Variants in HTR1F observed in about 807,000 individuals in gnomAD.
HTR1F encodes 5-hydroxytryptamine receptor 1F, also known as 5-hydroxytryptamine (serotonin) receptor 1F, G protein-coupled.
A neutral mutation model predicts 24.0 loss-of-function variants in HTR1F; 17 were observed. That is an observed-to-expected ratio of 0.71 (90% confidence interval 0.48 to 1.06). The LOEUF (loss-of-function observed/expected upper bound fraction) is 1.06. Ranked by LOEUF, HTR1F falls within the 50% of genes least tolerant of loss-of-function variation. The probability of loss-of-function intolerance (pLI) is 0.00; values close to 1 mark genes in which losing one functional copy is unlikely to be tolerated. For missense variants in HTR1F, 391 were observed against 427.8 expected, an observed-to-expected ratio of 0.91 and a Z score of 0.76; for synonymous variants, 186 against 156.8, an observed-to-expected ratio of 1.19 and a Z score of -1.39.
At chr3:87,848,360 T>A (rs1232359935) in intron 2 of HTR1F, among the ~76,000 whole-genome samples, 1 of 151,860 alleles carries the variant, frequency 6.6e-6, no homozygotes, top group African/African-American at 2.4e-5. Flanking sequence ...GCCCATTTTT[T>A]AGTGGGATTT....
intron 2 of HTR1F, among the ~76,000 whole-genome samples, chr3:87,916,503 A>G (rs1273699348): frequency 6.6e-6 from 1 of 151,990 alleles, no homozygotes. Context: ...ACACATAAAG[A>G]CTCACATAAT....
At chr3:87,886,415 C>T (rs1360498691) in intron 2 of HTR1F, among the ~76,000 whole-genome samples, 2 of 152,172 alleles carry the variant, frequency 1.3e-5, no homozygotes, top group Admixed American at 6.6e-5. Context: ...GAAGCATTCC[C>T]TTTGAAAACT....
At chr3:87,907,491 TA>T (rs1413801780) in intron 2 of HTR1F, among the ~76,000 whole-genome samples, 7 of 151,950 alleles carry the variant, frequency 4.6e-5, no homozygotes, top group Admixed American at 4.6e-4. Flanking sequence ...TTTTCATAAT[TA>T]AAAAATAAAA....
In HTR1F at chr3:87,899,327, C is replaced by T. The variant is rs567648408; in HGVS notation, c.-43+77203C>T. 9.9e-5 allele frequency among the ~76,000 whole-genome samples: 15 copies of T among 152,242 alleles called. No individual in the cohort carries two copies. The South Asian group carries it at 3.1e-3, about 32-fold the overall frequency. ...TTTTCTTTAGCCATCATAAATACTA[C>T]CAGAATTCTTTCATTAAAACAGCTT... On this transcript the variant is annotated intron_variant, in intron 2 of 2. Coordinates refer to ENST00000319595, the MANE Select transcript of HTR1F (RefSeq NM_001322209.2).
intron 1 of HTR1F, among the ~76,000 whole-genome samples, chr3:87,795,135 A>G (rs991421944): frequency 1.9e-4 from 29 of 151,770 alleles, no homozygotes; most frequent in Non-Finnish European, 2.8e-4. Context: ...TTGCAGGCGC[A>G]TGCCACCACA....
intron 1 of HTR1F, among the ~76,000 whole-genome samples, chr3:87,798,597 A>G (rs1703944215): frequency 6.6e-6 from 1 of 151,920 alleles, no homozygotes; most frequent in East Asian, 1.9e-4. Context: ...TCCCTCAAAA[A>G]AAAAAAACCT....
At chr3:87,942,544 G>A (rs978653728) in intron 2 of HTR1F, among the ~76,000 whole-genome samples, 4 of 152,130 alleles carry the variant, frequency 2.6e-5, no homozygotes, top group Admixed American at 2.0e-4. Context: ...TGGGGCAGTG[G>A]GCCTTCCAGT....
chr3:87,989,515 T>C (rs1471870208), intron 2 of HTR1F, among the ~76,000 whole-genome samples: 5 of 152,212 alleles, frequency 3.3e-5, no homozygotes, highest in Non-Finnish European at 7.3e-5. Context: ...ATTTTCCTAA[T>C]TTCATACAAT....
Position 87,990,779 on chromosome 3 carries a change from C to G in HTR1F, c.30C>G (p.Asn10Lys). 1.2e-6 allele frequency: 2 copies of G among 1,612,930 alleles called. No individual in the cohort carries two copies. The highest frequency in any genetic ancestry group is 1.7e-6 in the Non-Finnish European group (2 of 1,178,970). The change falls in exon 3 of 3, where the codon AAC becomes AAG. Residue 10 changes from asparagine to lysine, a missense_variant. Coordinates refer to ENST00000319595, the MANE Select transcript of HTR1F (RefSeq NM_001322209.2). ...ATTTCTTAAATTCATCTGATCAAAA[C>G]TTGACCTCAGAGGAACTGTTAAACA... MDFLNSSDQ[N>K]LTSEELLNRM...
intron 2 of HTR1F, among the ~76,000 whole-genome samples, chr3:87,892,435 A>G (rs943106866): frequency 1.3e-5 from 2 of 152,182 alleles, no homozygotes; most frequent in African/African-American, 2.4e-5. Flanking sequence ...CTTTACAATT[A>G]CCATAAAGGC....
intron 2 of HTR1F, among the ~76,000 whole-genome samples, chr3:87,854,444 C>T (rs1705157092): frequency 6.6e-6 from 1 of 151,506 alleles, no homozygotes. Flanking sequence ...ATTCCTAATA[C>T]TTATTATTTC....
intron 2 of HTR1F, among the ~76,000 whole-genome samples, chr3:87,934,706 GCAAT>G (rs1243462630): frequency 6.6e-6 from 1 of 152,110 alleles, no homozygotes; most frequent in Non-Finnish European, 1.5e-5. Flanking sequence ...CTGTCTCTGA[GCAAT>G]CAAACATAAG....
intron 2 of HTR1F, among the ~76,000 whole-genome samples, chr3:87,984,650 C>T (rs1441348650): frequency 2.6e-5 from 4 of 151,818 alleles, no homozygotes; most frequent in Non-Finnish European, 5.9e-5. Flanking sequence ...TCAGAAGAGA[C>T]GGGGTTTCAC....
chr3:87,922,971 T>A (rs1262910007), intron 2 of HTR1F, among the ~76,000 whole-genome samples: 1 of 151,420 alleles, frequency 6.6e-6, no homozygotes, highest in Non-Finnish European at 1.5e-5. Flanking sequence ...GGGGTCTAGT[T>A]TCATTCTTCT....
intron 2 of HTR1F, among the ~76,000 whole-genome samples, chr3:87,974,179 C>A (rs1341239945): frequency 1.3e-5 from 2 of 152,216 alleles, no homozygotes; most frequent in African/African-American, 4.8e-5. Flanking sequence ...TTGTTGCCAA[C>A]GGGCAACATC....
chr3:87,916,143 A>G (rs1316479258), intron 2 of HTR1F, among the ~76,000 whole-genome samples: 1 of 152,072 alleles, frequency 6.6e-6, no homozygotes, highest in East Asian at 1.9e-4. Flanking sequence ...AGTCTTTTTC[A>G]GACAAATGAC....
chr3:87,930,059 T>A (rs2938258), intron 2 of HTR1F, among the ~76,000 whole-genome samples: 2 of 152,014 alleles, frequency 1.3e-5, no homozygotes, highest in African/African-American at 4.8e-5. Context: ...CCTTTTGAGA[T>A]TGCCTTTCTG....
Position 87,932,469 on chromosome 3 carries a change from C to T in HTR1F, c.-42-58239C>T, listed in dbSNP as rs565407494. The stretch of plus-strand genomic sequence containing the variant: ...GTAGCCTTGTAGTATAGTTTGAAGA[C>T]GGGTAGTGTGATGCCTCCAGCTTTG... On this transcript the variant is annotated intron_variant, in intron 2 of 2. Transcript: ENST00000319595. Among the ~76,000 whole-genome samples, 23 of 152,164 alleles carry T rather than the reference C, an allele frequency of 1.5e-4. No homozygotes were observed. The South Asian group carries it at 2.3e-3, about 15-fold the overall frequency.
chr3:87,849,061 C>T (rs1705015585), intron 2 of HTR1F, among the ~76,000 whole-genome samples: 2 of 151,336 alleles, frequency 1.3e-5, no homozygotes, highest in South Asian at 2.1e-4. Context: ...CACTACCATC[C>T]CCATCAAGCT....
Sources: gnomAD v4.1 joint callset for allele counts (sites outside exome capture counted in the v4.1 genomes callset) on GRCh38, gnomAD v4.1.1 for gene constraint, MANE v1.5 for transcripts, NCBI Gene and HGNC (gene_info 2026-07-23, HGNC 2026-07-21) for gene names.